Variants in COL25A1 observed in about 807,000 individuals in gnomAD.
COL25A1 encodes collagen type XXV alpha 1 chain, also known as collagen alpha-1(XXV) chain.
In COL25A1, 103 loss-of-function variants were observed where a neutral mutation model predicts 128.4. The observed-to-expected ratio is 0.80, with a 90% CI of 0.68 to 0.94. The LOEUF (loss-of-function observed/expected upper bound fraction) is 0.94. Ranked by LOEUF, COL25A1 falls within the 40% of genes least tolerant of loss-of-function variation. COL25A1 has a pLI of 0.00. For synonymous variants in COL25A1, 279 were observed against 277.2 expected, an observed-to-expected ratio of 1.01 and a Z score of -0.06; for missense variants, 745 against 840.0, an observed-to-expected ratio of 0.89 and a Z score of 1.40.
chr4:108,956,743 T>C (rs1467850554), intron 8 of COL25A1, among the ~76,000 whole-genome samples: 2 of 152,158 alleles, frequency 1.3e-5, no homozygotes, highest in Non-Finnish European at 2.9e-5. Flanking sequence ...TCTCAAACTT[T>C]GGGTGTGGGA....
intron 3 of COL25A1, among the ~76,000 whole-genome samples, chr4:109,267,390 A>G (rs1781865603): frequency 6.6e-6 from 1 of 152,194 alleles, no homozygotes; most frequent in Admixed American, 6.5e-5. Context: ...AAAACATTAA[A>G]TGTTCTCTCC....
intron 3 of COL25A1, among the ~76,000 whole-genome samples, chr4:109,202,951 C>G (rs1776688081): frequency 6.6e-6 from 1 of 151,642 alleles, no homozygotes; most frequent in Non-Finnish European, 1.5e-5. Flanking sequence ...AAGAGAGAAG[C>G]AGGAGGAAGG....
At chr4:109,218,367 T>TGTTTTTTTTTG (rs1352239817) in intron 3 of COL25A1, among the ~76,000 whole-genome samples, 1 of 128,360 alleles carries the variant, frequency 7.8e-6, no homozygotes, top group African/African-American at 3.2e-5. Context: ...GTTTTTTTTT[T>TGTTTTTTTTTG]TTTTTTTTTT....
chr4:109,249,206 C>T (rs1168719380), intron 3 of COL25A1, among the ~76,000 whole-genome samples: 1 of 152,182 alleles, frequency 6.6e-6, no homozygotes, highest in Non-Finnish European at 1.5e-5. Context: ...TCTTACAGCA[C>T]TCTATTGGGA....
intron 3 of COL25A1, among the ~76,000 whole-genome samples, chr4:109,271,059 C>T (rs1271137013): frequency 6.6e-6 from 1 of 152,144 alleles, no homozygotes; most frequent in Admixed American, 6.6e-5. Flanking sequence ...AGAATTAGGG[C>T]CAGGTCTGTC....
chr4:108,942,123 G>A (rs1029020309), intron 8 of COL25A1: 5 of 1,372,590 alleles, frequency 3.6e-6, no homozygotes, highest in Non-Finnish European at 4.0e-6. Flanking sequence ...GAAGCCAACG[G>A]GCTCGGCAAG....
intron 3 of COL25A1, among the ~76,000 whole-genome samples, chr4:109,295,429 C>T (rs1724881816): frequency 6.6e-6 from 1 of 152,080 alleles, no homozygotes; most frequent in African/African-American, 2.4e-5. Context: ...GGAATGCCTG[C>T]TATTCTCATT....
rs947757080 is a variant in COL25A1 at position 109,262,285 on chromosome 4, G to A, written c.367+38298C>T. Among the ~76,000 whole-genome samples the A allele has an allele frequency of 1.2e-4, 19 of 152,140 alleles. No homozygotes were observed. In the East Asian group the frequency reaches 3.1e-3, roughly 25 times the overall value. On this transcript the variant is annotated intron_variant, in intron 3 of 37. Transcript: ENST00000399132. ...TCCCAGCACTTTGGGAGGCCGAGGCGGGTGGATCATCTGGGGTCAGGAGTT... is the reference window on the plus strand; with the variant it reads ...TCCCAGCACTTTGGGAGGCCGAGGCAGGTGGATCATCTGGGGTCAGGAGTT...
chr4:108,890,857 C>T (rs371727455), intron 16 of COL25A1, among the ~76,000 whole-genome samples: 18 of 152,284 alleles, frequency 1.2e-4, no homozygotes, highest in African/African-American at 4.3e-4. Flanking sequence ...CCCTCAATTT[C>T]TCTCCCCTCT....
chr4:109,028,869 C>A (rs1758570158), intron 5 of COL25A1, among the ~76,000 whole-genome samples: 1 of 152,078 alleles, frequency 6.6e-6, no homozygotes, highest in African/African-American at 2.4e-5. Context: ...AAGAAGACAC[C>A]AATTCACTGT....
intron 3 of COL25A1, among the ~76,000 whole-genome samples, chr4:109,203,529 T>A (rs984409772): frequency 6.6e-6 from 1 of 150,916 alleles, no homozygotes; most frequent in African/African-American, 2.4e-5. Context: ...AGGGGAAGCT[T>A]CAGGAAAGCA....
At chr4:109,106,902 G>C (rs1050230313) in intron 3 of COL25A1, among the ~76,000 whole-genome samples, 1 of 152,070 alleles carries the variant, frequency 6.6e-6, no homozygotes, top group Non-Finnish European at 1.5e-5. Context: ...AGAGTAGCTG[G>C]GACTACAGGC....
At chr4:108,877,117 G>A (rs1253605645) in intron 19 of COL25A1, among the ~76,000 whole-genome samples, 1 of 152,174 alleles carries the variant, frequency 6.6e-6, no homozygotes, top group East Asian at 1.9e-4. Context: ...ATCTGACACA[G>A]GCTGCTAATT....
intron 16 of COL25A1, among the ~76,000 whole-genome samples, chr4:108,894,861 C>T (rs1316168650): frequency 6.6e-6 from 1 of 152,120 alleles, no homozygotes; most frequent in Non-Finnish European, 1.5e-5. Flanking sequence ...TTAAATTTGG[C>T]AGATAAATAA....
chr4:109,079,540 A>G (rs1186126482), intron 3 of COL25A1, among the ~76,000 whole-genome samples: 2 of 152,186 alleles, frequency 1.3e-5, no homozygotes, highest in African/African-American at 4.8e-5. Context: ...CAGTATGTAC[A>G]CAGAGATATA....
intron 5 of COL25A1, among the ~76,000 whole-genome samples, chr4:109,012,168 A>G (rs551329544): frequency 6.6e-6 from 1 of 152,338 alleles, no homozygotes; most frequent in African/African-American, 2.4e-5. Flanking sequence ...ACATGCCACT[A>G]TGCCCCGCTA....
At chr4:109,021,077 T>C (rs1757700745) in intron 5 of COL25A1, among the ~76,000 whole-genome samples, 1 of 152,230 alleles carries the variant, frequency 6.6e-6, no homozygotes, top group South Asian at 2.1e-4. Flanking sequence ...AGCCACTCAG[T>C]CACATAGGTA....
intron 3 of COL25A1, among the ~76,000 whole-genome samples, chr4:109,142,125 T>C (rs991834171): frequency 5.3e-5 from 8 of 152,346 alleles, no homozygotes; most frequent in African/African-American, 1.9e-4. Flanking sequence ...TGGTACATTG[T>C]TTCTTTGTTC....
chr4:108,960,195 C>CAT (rs33919718), intron 8 of COL25A1, among the ~76,000 whole-genome samples: 46,017 of 151,726 alleles, frequency 0.3, 7,516 homozygotes, highest in South Asian at 0.46. Context: ...TTAACACAAA[C>CAT]AGTAGTTATC....
Sources: allele counts gnomAD v4.1 joint callset (sites outside exome capture counted in the v4.1 genomes callset), GRCh38; gene constraint gnomAD v4.1.1; transcripts MANE v1.5; gene names NCBI Gene and HGNC (gene_info 2026-07-23, HGNC 2026-07-21).